ERGIC3: variants seen among roughly 807,000 people sequenced by gnomAD.
ERGIC3 encodes the protein ERGIC and golgi 3, also known as endoplasmic reticulum-Golgi intermediate compartment protein 3.
In ERGIC3, 33 loss-of-function variants were observed where a neutral mutation model predicts 54.7. The ratio of observed to expected loss-of-function variants is 0.60; its 90% CI spans 0.46 to 0.81. The LOEUF (loss-of-function observed/expected upper bound fraction) is 0.81. Among genes scored for constraint, ERGIC3 ranks in the 30% least tolerant of loss-of-function variants. The pLI, the probability that ERGIC3 is intolerant of heterozygous loss-of-function variation, is 0.00. For missense variants in ERGIC3, 399 were observed against 488.4 expected, an observed-to-expected ratio of 0.82 and a Z score of 1.73; for synonymous variants, 186 against 189.8, an observed-to-expected ratio of 0.98 and a Z score of 0.16.
At chr20:35,556,815 G>A (rs916787378) in intron 10 of ERGIC3, 158 bp from the exon 11 acceptor site, 60 of 967,232 alleles carry the variant, frequency 6.2e-5, no homozygotes, top group East Asian at 2.1e-4. Context: ...GGGGTCTGGC[G>A]GGCCAGGCCT....
At chr20:35,545,831 T>C (rs1386946070) in intron 4 of ERGIC3, among the ~76,000 whole-genome samples, 6 of 152,174 alleles carry the variant, frequency 3.9e-5, no homozygotes, top group African/African-American at 1.4e-4. Context: ...TTTTATACTC[T>C]GGTGATATTA....
Position 35,547,406 on chromosome 20 carries a change from C to T in ERGIC3, c.368-6C>T, listed in dbSNP as rs1319432815. Reference sequence around the variant, plus strand: ...GCTGATGCCTCTGCTTCTCCCCTCCCCTTAGAGCTTGGGAAAGTCGAGGTG... The same window carrying T: ...GCTGATGCCTCTGCTTCTCCCCTCCTCTTAGAGCTTGGGAAAGTCGAGGTG... On this transcript the variant is annotated splice_region_variant and splice_polypyrimidine_tract_variant and intron_variant, in intron 4 of 12. Coordinates refer to ENST00000348547, the MANE Select transcript of ERGIC3 (RefSeq NM_015966.3). The T allele has an allele frequency of 6.2e-6, 10 of 1,613,702 alleles. No homozygotes were observed. Among genetic ancestry groups the T allele is most frequent in the Non-Finnish European group, 8.5e-6 (10 of 1,179,702 alleles).
chr20:35,543,295 A>G, intron 4 of ERGIC3: 2 of 342,416 alleles, frequency 5.8e-6, no homozygotes, highest in South Asian at 4.8e-5. Context: ...CCATTGGCTT[A>G]ATTCAGCCCT....
chr20:35,555,210 G>C, intron 8 of ERGIC3, 135 bp downstream of exon 8: 1 of 1,071,984 alleles, frequency 9.3e-7, no homozygotes, highest in Non-Finnish European at 1.4e-6. Flanking sequence ...TGGGGATCCA[G>C]CCTGAGGGTT....
At position 35,557,410 on chromosome 20, in the gene ERGIC3, T is replaced by TTGTC. The variant is rs1374151194; in HGVS notation, c.1073-13_1073-10dup. 4 of 1,613,554 alleles carry TTGTC rather than the reference T, an allele frequency of 2.5e-6. No homozygotes were observed. The African/African-American group carries it at 4.0e-5, about 16-fold the overall frequency. ...GCCCCCACTGGGCCAGTGCCAGCCCTTGTCTCTCTCCCAGTGGCTGGACTC... is the reference window on the plus strand; with the variant it reads ...GCCCCCACTGGGCCAGTGCCAGCCCTTGTCTGTCTCTCTCCCAGTGGCTGGACTC... On this transcript the variant is annotated splice_polypyrimidine_tract_variant and intron_variant, in intron 12 of 12. Transcript: ENST00000348547.
At chr20:35,555,539 C>G (rs1158012585) in intron 8 of ERGIC3, among the ~76,000 whole-genome samples, 1 of 152,160 alleles carries the variant, frequency 6.6e-6, no homozygotes, top group South Asian at 2.1e-4. Context: ...GAGGCTGATA[C>G]ACAAGGGAGC....
chr20:35,545,733 T>A (rs932360917), intron 4 of ERGIC3, among the ~76,000 whole-genome samples: 1 of 152,162 alleles, frequency 6.6e-6, no homozygotes, highest in Non-Finnish European at 1.5e-5. Context: ...ATTGAGGACA[T>A]CTTGGAAACT....
intron 4 of ERGIC3, chr20:35,544,060 ATCTG>A (rs1555865325): frequency 4.1e-5 from 7 of 171,232 alleles, no homozygotes; most frequent in East Asian, 1.6e-4. Flanking sequence ...CTATCTATCT[ATCTG>A]TCTATCTTGA....
At chr20:35,549,423 T>C (rs2064669884) in intron 7 of ERGIC3, 1 of 354,654 alleles carries the variant, frequency 2.8e-6, no homozygotes, top group South Asian at 2.1e-5. Flanking sequence ...TTATTCTCAT[T>C]CATTTGTTCA....
rs753865984 is a variant in ERGIC3 at position 35,555,075 on chromosome 20, CG to C, written c.717+1del. ...ACTTGCAGAGCTTTGGCCTTGACAA[CG>C]TACGTACCAGATGGAAACCATGGAG... On this transcript the variant is annotated splice_donor_variant, in intron 8 of 12. Coordinates refer to ENST00000348547, the MANE Select transcript of ERGIC3 (RefSeq NM_015966.3). LOFTEE classifies it high-confidence loss of function. 2.2e-5 allele frequency: 35 copies of C among 1,608,116 alleles called. No homozygotes were observed. The highest frequency in any genetic ancestry group is 2.5e-5 in the Non-Finnish European group (29 of 1,177,562).
intron 4 of ERGIC3, 76 bp from the exon 5 acceptor site, chr20:35,547,336 G>C (rs1034217951): frequency 1.9e-6 from 2 of 1,067,160 alleles, no homozygotes; most frequent in Non-Finnish European, 1.5e-6. Flanking sequence ...CTAAGCAAAG[G>C]GCTTGTGCAG....
chr20:35,555,953 TC>T, intron 8 of ERGIC3, 79 bp from the exon 9 acceptor site: 1 of 1,345,078 alleles, frequency 7.4e-7, no homozygotes, highest in East Asian at 2.3e-5. Context: ...TCCTCCCACA[TC>T]TCCGCAGACG....
Position 35,543,141 on chromosome 20 carries a change from T to C in ERGIC3, c.367+200T>C, listed in dbSNP as rs1006108043. The C allele has an allele frequency of 1.0e-5, 6 of 587,064 alleles. No homozygotes were observed. In the Admixed American group the frequency reaches 1.5e-4, roughly 14 times the overall value. 36.4% of individuals were successfully genotyped at this position (587,064 alleles called of 1,614,324 possible). A position where few individuals can be genotyped will look rare whatever the true frequency, so the allele number is the denominator to read the frequency against. On this transcript the variant is annotated intron_variant, in intron 4 of 12. Coordinates refer to ENST00000348547, the MANE Select transcript of ERGIC3 (RefSeq NM_015966.3). Reference sequence around the variant, plus strand: ...TCTATACATATCGAGTCAGGTAATCTACCTGGCTATTATTCTCAGAGGTCC... The same window carrying C: ...TCTATACATATCGAGTCAGGTAATCCACCTGGCTATTATTCTCAGAGGTCC...
rs1355376249 is a variant in ERGIC3 at position 35,547,231 on chromosome 20, T to A, written c.368-181T>A. On this transcript the variant is annotated intron_variant, in intron 4 of 12. Transcript: ENST00000348547. ...CTGTTGACTGTTTTCTTACTGTTTC[T>A]TTTATTAAAAGAATTGATATGTGTG... is the stretch of plus-strand genomic sequence containing the variant. 3 of 573,170 alleles carry A rather than the reference T, an allele frequency of 5.2e-6. No homozygotes were observed. The South Asian group carries it at 6.1e-5, about 12-fold the overall frequency. The allele number at this position is 573,170 out of a possible 1,614,324, so 35.5% of individuals were successfully genotyped here.
intron 8 of ERGIC3, 130 bp from the exon 9 acceptor site, chr20:35,555,903 A>G: frequency 2.6e-6 from 2 of 763,160 alleles, no homozygotes; most frequent in Non-Finnish European, 2.1e-6. Flanking sequence ...GGGGATTCTT[A>G]TCTCGGGGAG....
rs796259783 is a variant in ERGIC3, at chr20:35,557,147, C to T, written c.1016+38C>T. 3.7e-6 allele frequency: 6 copies of T among 1,614,172 alleles called. No homozygotes were observed. In the African/African-American group the frequency reaches 5.3e-5, roughly 14 times the overall value. ...GCAAAGCGGCCTCTGGGGGCCTGGG[C>T]CTGAGGGAGGAGGATGCCTGCTGAG... On this transcript the variant is annotated intron_variant, in intron 11 of 12. Coordinates refer to ENST00000348547, the MANE Select transcript of ERGIC3 (RefSeq NM_015966.3).
chr20:35,544,016 ATCTATC>A (rs1260053042), intron 4 of ERGIC3: 38 of 21,690 alleles, frequency 1.8e-3, no homozygotes, highest in South Asian at 2.4e-3. Context: ...AGAATCTACT[ATCTATC>A]TATCTATCTA....
At chr20:35,550,431 C>T (rs1434033555) in intron 7 of ERGIC3, among the ~76,000 whole-genome samples, 4 of 152,120 alleles carry the variant, frequency 2.6e-5, no homozygotes, top group Non-Finnish European at 4.4e-5. Context: ...GCCTGGCCAA[C>T]ATGGTGAAAC....
chr20:35,549,159 A>C, intron 7 of ERGIC3: 1 of 509,098 alleles, frequency 2.0e-6, no homozygotes, highest in Non-Finnish European at 4.0e-6. Context: ...CACTTATCTC[A>C]CAGGGTGTGT....
Sources: gnomAD v4.1 joint callset for allele counts (sites outside exome capture counted in the v4.1 genomes callset) on GRCh38, gnomAD v4.1.1 for gene constraint, MANE v1.5 for transcripts, NCBI Gene and HGNC (gene_info 2026-07-23, HGNC 2026-07-21) for gene names.